TBC1D5: variants seen among roughly 807,000 people sequenced by gnomAD.
TBC1D5 encodes the protein TBC1 domain family member 5.
A neutral mutation model predicts 100.3 loss-of-function variants in TBC1D5; 75 were observed. That is an observed-to-expected ratio of 0.75 (90% CI 0.62 to 0.91). The LOEUF (loss-of-function observed/expected upper bound fraction) is 0.91, where lower values mean the gene tolerates loss of function less well. TBC1D5 is among the 40% of genes least tolerant of loss of function. The pLI is 0.00. For missense variants in TBC1D5, 910 were observed against 942.4 expected (o/e 0.97, Z 0.45); for synonymous variants, 323 against 325.6 (o/e 0.99, Z 0.09).
At chr3:17,618,704 G>A (rs1020458318) in intron 2 of TBC1D5, among the ~76,000 whole-genome samples, 1 of 152,288 alleles carries the variant, frequency 6.6e-6, no homozygotes, top group African/African-American at 2.4e-5. Context: ...GGGACCTGCT[G>A]AGCCAGGAAT....
chr3:17,407,573 C>T (rs1285297895), intron 4 of TBC1D5, among the ~76,000 whole-genome samples: 1 of 152,152 alleles, frequency 6.6e-6, no homozygotes, highest in Non-Finnish European at 1.5e-5. Flanking sequence ...CCAGACCCTA[C>T]TTATTTTGAG....
chr3:17,628,471 C>A (rs903485818), intron 1 of TBC1D5, among the ~76,000 whole-genome samples: 5 of 151,948 alleles, frequency 3.3e-5, no homozygotes, highest in Admixed American at 2.0e-4. Flanking sequence ...CCTCTCCCCC[C>A]ACTTCACCAT....
At chr3:17,497,830 G>A (rs2095733988) in intron 3 of TBC1D5, among the ~76,000 whole-genome samples, 1 of 152,156 alleles carries the variant, frequency 6.6e-6, no homozygotes, top group Non-Finnish European at 1.5e-5. Context: ...TGACTTGAGT[G>A]AGTAAAGCTA....
chr3:17,158,372 T>C (rs922756420), exon 22 of TBC1D5: 5 of 152,180 alleles, frequency 3.3e-5, no homozygotes, highest in Admixed American at 3.3e-4. Context: ...ATTTAAAAAA[T>C]GTACAATTAA....
At chr3:17,332,487 C>T (rs1002089939) in intron 13 of TBC1D5, among the ~76,000 whole-genome samples, 1 of 152,020 alleles carries the variant, frequency 6.6e-6, no homozygotes, top group Non-Finnish European at 1.5e-5. Context: ...AGAGATATAC[C>T]TTTGAGACTC....
intron 18 of TBC1D5, among the ~76,000 whole-genome samples, chr3:17,212,786 C>T (rs1386205192): frequency 6.6e-6 from 1 of 151,876 alleles, no homozygotes; most frequent in Non-Finnish European, 1.5e-5. Context: ...TAATAAAAAG[C>T]ATTTTTGTAC....
intron 18 of TBC1D5, among the ~76,000 whole-genome samples, chr3:17,192,475 T>C (rs1475973803): frequency 6.6e-6 from 1 of 152,190 alleles, no homozygotes; most frequent in Non-Finnish European, 1.5e-5. Flanking sequence ...ATGAGAACGT[T>C]AGTGGATGCT....
intron 16 of TBC1D5, among the ~76,000 whole-genome samples, chr3:17,246,557 A>G (rs1489305315): frequency 6.6e-6 from 1 of 152,246 alleles, no homozygotes; most frequent in African/African-American, 2.4e-5. Flanking sequence ...CTGTGTTACC[A>G]GAGAAAAAAC....
intron 13 of TBC1D5, chr3:17,333,330 C>T (rs2087155376): frequency 6.6e-6 from 1 of 152,338 alleles, no homozygotes; most frequent in South Asian, 2.1e-4. Context: ...AAAGGCCTTT[C>T]CCTTGAACCT....
chr3:17,475,667 C>G (rs2095429668), intron 3 of TBC1D5, among the ~76,000 whole-genome samples: 1 of 152,094 alleles, frequency 6.6e-6, no homozygotes, highest in Admixed American at 6.6e-5. Context: ...CTGAGGATGG[C>G]ATTCCCAGTC....
chr3:17,635,229 T>C (rs544674211), intron 1 of TBC1D5, among the ~76,000 whole-genome samples: 8 of 152,110 alleles, frequency 5.3e-5, no homozygotes, highest in African/African-American at 1.9e-4. Flanking sequence ...TTTAGTATAT[T>C]GAGTTTGAGA....
chr3:17,637,338 G>T (rs535694058), intron 1 of TBC1D5, among the ~76,000 whole-genome samples: 172 of 150,610 alleles, frequency 1.1e-3, no homozygotes, highest in African/African-American at 3.9e-3. Flanking sequence ...CACCACACCT[G>T]GCCCCAAGAT....
At chr3:17,460,130 G>A (rs936994361) in intron 3 of TBC1D5, among the ~76,000 whole-genome samples, 4 of 152,172 alleles carry the variant, frequency 2.6e-5, no homozygotes, top group African/African-American at 9.7e-5. Context: ...AAAAATTAAA[G>A]TATATATGCC....
At chr3:17,192,668 C>T (rs1208094723) in intron 18 of TBC1D5, among the ~76,000 whole-genome samples, 1 of 152,244 alleles carries the variant, frequency 6.6e-6, no homozygotes, top group South Asian at 2.1e-4. Flanking sequence ...CAAGATGTCA[C>T]ATTTATGCTA....
chr3:17,258,367 G>A, intron 16 of TBC1D5, 139 bp downstream of exon 16: 1 of 777,086 alleles, frequency 1.3e-6, no homozygotes, highest in African/African-American at 1.8e-5. Context: ...AAAATAACTT[G>A]GGTAATTTAT....
At chr3:17,197,898 A>G (rs1256275210) in intron 18 of TBC1D5, among the ~76,000 whole-genome samples, 1 of 152,052 alleles carries the variant, frequency 6.6e-6, no homozygotes, top group Non-Finnish European at 1.5e-5. Context: ...TTAGCTGGAC[A>G]TGGTGGCTCG....
Position 17,646,788 on chromosome 3 carries a change from A to T in TBC1D5, c.-100-22875T>A, listed in dbSNP as rs6806135. Among the ~76,000 whole-genome samples the T allele has an allele frequency of 6.9e-3, 1,040 of 151,812 alleles. 7 individuals carry two copies. The highest frequency in any genetic ancestry group is 0.024 in the African/African-American group (986 of 41,396). On this transcript the variant is annotated intron_variant, in intron 1 of 21. Transcript: ENST00000253692. Reference sequence around the variant, plus strand: ...TCAGGATAAAGTCTGATTTTTTTTTAAATTTTAGATTCATGGGTAAATGTG... The same window carrying T: ...TCAGGATAAAGTCTGATTTTTTTTTTAATTTTAGATTCATGGGTAAATGTG...
At chr3:17,487,853 A>G (rs2095589679) in intron 3 of TBC1D5, among the ~76,000 whole-genome samples, 2 of 152,192 alleles carry the variant, frequency 1.3e-5, no homozygotes, top group South Asian at 4.1e-4. Context: ...TTTTGAGCTT[A>G]CAGAAAAACT....
chr3:17,253,680 C>G (rs781697765), intron 16 of TBC1D5, among the ~76,000 whole-genome samples: 223 of 152,174 alleles, frequency 1.5e-3, no homozygotes, highest in Non-Finnish European at 2.7e-3. Flanking sequence ...TTTCTGATTT[C>G]TATCACCACA....
Sources: gnomAD v4.1 joint callset for allele counts (sites outside exome capture counted in the v4.1 genomes callset) on GRCh38, gnomAD v4.1.1 for gene constraint, MANE v1.5 for transcripts, NCBI Gene and HGNC (gene_info 2026-07-23, HGNC 2026-07-21) for gene names.